PEX5L: variants seen among roughly 807,000 people sequenced by gnomAD.
PEX5L encodes PEX5-related protein.
In PEX5L, 30 loss-of-function variants were observed where a neutral mutation model predicts 84.0. That is an observed-to-expected ratio of 0.36 (90% confidence interval 0.27 to 0.48). PEX5L has a LOEUF of 0.48. PEX5L is among the 20% of genes least tolerant of loss of function. The pLI is 0.99. For synonymous variants in PEX5L, 270 were observed against 283.1 expected, an observed-to-expected ratio of 0.95 and a Z score of 0.46; for missense variants, 533 against 754.6, an observed-to-expected ratio of 0.71 and a Z score of 3.44.
At chr3:179,942,278 GGCT>G (rs1275952838) in intron 2 of PEX5L, among the ~76,000 whole-genome samples, 5 of 152,198 alleles carry the variant, frequency 3.3e-5, no homozygotes, top group South Asian at 2.1e-4. Flanking sequence ...TCCTTTTCGT[GGCT>G]GCTATTTCTG....
At chr3:179,914,959 A>G (rs2109287283) in intron 2 of PEX5L, among the ~76,000 whole-genome samples, 1 of 152,258 alleles carries the variant, frequency 6.6e-6, no homozygotes, top group South Asian at 2.1e-4. Flanking sequence ...CTAAAAAAAA[A>G]TCCTCTACAT....
chr3:179,973,144 G>A, intron 1 of PEX5L: 1 of 1,249,526 alleles, frequency 8.0e-7, no homozygotes. Flanking sequence ...TCCAAATATT[G>A]ATCTGTATAC....
At chr3:179,874,135 A>ATG (rs1751323370) in intron 7 of PEX5L, among the ~76,000 whole-genome samples, 192 bp downstream of exon 7, 1 of 125,590 alleles carries the variant, frequency 8.0e-6, no homozygotes, top group South Asian at 2.4e-4. Context: ...AGATATACAT[A>ATG]TATATATATA....
chr3:179,998,383 C>G (rs752460246), intron 1 of PEX5L, among the ~76,000 whole-genome samples: 12 of 152,208 alleles, frequency 7.9e-5, no homozygotes, highest in Non-Finnish European at 1.5e-4. Flanking sequence ...GGCTGCCGTG[C>G]AAGTTGCTCT....
intron 1 of PEX5L, among the ~76,000 whole-genome samples, chr3:180,018,006 G>A (rs1340910737): frequency 6.6e-6 from 1 of 152,278 alleles, no homozygotes; most frequent in East Asian, 1.9e-4. Context: ...AGCACCCACA[G>A]TTTGGAAATC....
intron 8 of PEX5L, among the ~76,000 whole-genome samples, chr3:179,856,496 A>C (rs62291603): frequency 0.27 from 41,274 of 152,090 alleles, 6,532 homozygotes; most frequent in East Asian, 0.62. Context: ...TCTAGGATAA[A>C]TTCTATGAAG....
intron 2 of PEX5L, among the ~76,000 whole-genome samples, chr3:179,961,785 C>G (rs1193644933): frequency 2.6e-5 from 4 of 152,162 alleles, no homozygotes; most frequent in Admixed American, 2.6e-4. Flanking sequence ...GACGCTGATT[C>G]AATCAGTAAT....
chr3:179,933,772 G>A (rs1220102655), intron 2 of PEX5L, among the ~76,000 whole-genome samples: 10 of 152,208 alleles, frequency 6.6e-5, no homozygotes, highest in Non-Finnish European at 1.5e-4. Flanking sequence ...GCAAGCATCA[G>A]GCTCACCTGA....
intron 2 of PEX5L, among the ~76,000 whole-genome samples, chr3:179,927,442 G>C (rs906311680): frequency 6.6e-6 from 1 of 152,146 alleles, no homozygotes; most frequent in Non-Finnish European, 1.5e-5. Flanking sequence ...GATAGGGAGA[G>C]GTAGGCAGGG....
chr3:179,979,535 T>A (rs900919648), intron 1 of PEX5L, among the ~76,000 whole-genome samples: 1 of 152,188 alleles, frequency 6.6e-6, no homozygotes, highest in Non-Finnish European at 1.5e-5. Context: ...TTGGTGGTTT[T>A]AACCCTGTCA....
rs1030291686 is a variant in PEX5L, at chr3:179,804,827, G to A, written c.1677-2795C>T. On this transcript the variant is annotated intron_variant, in intron 14 of 14. Coordinates refer to ENST00000467460, the MANE Select transcript of PEX5L (RefSeq NM_016559.3). ...TTTTCAGAATTCATTTAAGATTTAT[G>A]TCTCTCTCTCGCCGGGTGTAGTGGC... Among the ~76,000 whole-genome samples, 9 of 152,090 alleles carry A rather than the reference G, an allele frequency of 5.9e-5. No individual in the cohort carries two copies. The South Asian group carries it at 1.9e-3, about 32-fold the overall frequency.
chr3:179,887,036 C>T (rs2108846117), intron 4 of PEX5L, among the ~76,000 whole-genome samples: 1 of 152,290 alleles, frequency 6.6e-6, no homozygotes, highest in East Asian at 1.9e-4. Flanking sequence ...GTAATTTATG[C>T]CAGTGGCATC....
intron 2 of PEX5L, among the ~76,000 whole-genome samples, chr3:179,907,621 CT>C (rs1326287452): frequency 3.3e-5 from 5 of 152,060 alleles, no homozygotes; most frequent in African/African-American, 9.7e-5. Flanking sequence ...GTCTTCCCTC[CT>C]TTTTTTAAAG....
rs148495757 is a variant in PEX5L, at chr3:180,024,347, A to AATATATATATAT, written c.21+12220_21+12231dup. ...ACACTGTGAAACCCCGTCCCTACTA[A>AATATATATATAT]ATATATATATATATATATATATATA... is the stretch of plus-strand genomic sequence containing the variant. On this transcript the variant is annotated intron_variant, in intron 1 of 14. Coordinates refer to ENST00000467460, the MANE Select transcript of PEX5L (RefSeq NM_016559.3). Among the ~76,000 whole-genome samples the AATATATATATAT allele has an allele frequency of 3.5e-3, 378 of 107,642 alleles. 5 individuals carry two copies. The highest frequency in any genetic ancestry group is 0.015 in the East Asian group (60 of 3,908). The allele number at this position is 107,642 out of a possible 152,430, so 70.6% of individuals were successfully genotyped here. A position where few individuals can be genotyped will look rare whatever the true frequency, so the allele number is the denominator to read the frequency against.
chr3:180,024,380 AC>A (rs202172145), intron 1 of PEX5L, among the ~76,000 whole-genome samples: 12 of 133,666 alleles, frequency 9.0e-5, no homozygotes, highest in South Asian at 2.4e-4. Context: ...ATATACACAC[AC>A]AAAAAAAAAA....
chr3:179,816,982 AT>A (rs1726368926), intron 9 of PEX5L, among the ~76,000 whole-genome samples: 1 of 152,034 alleles, frequency 6.6e-6, no homozygotes, highest in Non-Finnish European at 1.5e-5. Context: ...TCCCCTCAAG[AT>A]TTTAAAAATA....
At chr3:179,981,250 G>T (rs908124822) in intron 1 of PEX5L, among the ~76,000 whole-genome samples, 1 of 152,124 alleles carries the variant, frequency 6.6e-6, no homozygotes, top group African/African-American at 2.4e-5. Context: ...ACATTAAGGT[G>T]TTTGTTCTTT....
At chr3:179,980,232 TA>T (rs1460261292) in intron 1 of PEX5L, among the ~76,000 whole-genome samples, 3 of 152,204 alleles carry the variant, frequency 2.0e-5, no homozygotes, top group Admixed American at 1.3e-4. Flanking sequence ...GAAAGTTATT[TA>T]TTTTTAAGCT....
chr3:179,924,184 G>T (rs1374666193), intron 2 of PEX5L, among the ~76,000 whole-genome samples: 1 of 152,208 alleles, frequency 6.6e-6, no homozygotes, highest in African/African-American at 2.4e-5. Flanking sequence ...CCTGAGACTT[G>T]AGATGAGATT....
Sources: allele counts gnomAD v4.1 joint callset (sites outside exome capture counted in the v4.1 genomes callset), GRCh38; gene constraint gnomAD v4.1.1; transcripts MANE v1.5; gene names NCBI Gene and HGNC (gene_info 2026-07-23, HGNC 2026-07-21).